Variants in TENM3 observed in about 807,000 individuals in gnomAD.
The protein encoded by TENM3 is teneurin-3.
In TENM3, 63 loss-of-function variants were observed where a neutral mutation model predicts 255.1. That is an observed-to-expected ratio of 0.25 (90% CI 0.20 to 0.30). TENM3 has a LOEUF of 0.30. Ranked by LOEUF, TENM3 falls within the 10% of genes least tolerant of loss-of-function variation. The pLI, the probability that TENM3 is intolerant of heterozygous loss-of-function variation, is 1.00. For synonymous variants in TENM3, 1,306 were observed against 1,322.3 expected, an observed-to-expected ratio of 0.99 and a Z score of 0.27; for missense variants, 2,929 against 3,461.1, an observed-to-expected ratio of 0.85 and a Z score of 3.86.
the TENM3 span, among the ~76,000 whole-genome samples, chr4:181,805,140 C>T: frequency 3.3e-5 from 5 of 152,322 alleles, no homozygotes; most frequent in African/African-American, 1.2e-4. Context: ...AAAACCTGAT[C>T]ATATGAACAT....
intron 1 of TENM3, among the ~76,000 whole-genome samples, chr4:182,238,127 A>T (rs1481968846): frequency 1.3e-5 from 2 of 152,190 alleles, no homozygotes; most frequent in Non-Finnish European, 2.9e-5. Flanking sequence ...GTGAAGAAAC[A>T]GTCTCAGGGT....
In TENM3 at chr4:182,690,639, G is replaced by A. The variant is rs564919485; in HGVS notation, c.2221+2288G>A. ...ACGTGTGTATAGCTTTGAAAACCAG[G>A]AAGTGTGCCAAAAAGTTATCCATAG... is the stretch of plus-strand genomic sequence containing the variant. On this transcript the variant is annotated intron_variant, in intron 12 of 27. Coordinates refer to ENST00000511685, the MANE Select transcript of TENM3 (RefSeq NM_001080477.4). 2.0e-5 allele frequency among the ~76,000 whole-genome samples: 3 copies of A among 152,256 alleles called. No homozygotes were observed. The East Asian group carries it at 5.8e-4, about 29-fold the overall frequency.
chr4:181,463,396 A>G, the TENM3 span, among the ~76,000 whole-genome samples: 8 of 152,110 alleles, frequency 5.3e-5, no homozygotes, highest in Non-Finnish European at 1.0e-4. Context: ...TTCCCATTCT[A>G]TGAGTATTTC....
At chr4:182,329,333 C>T (rs1763613608) in intron 2 of TENM3, among the ~76,000 whole-genome samples, 1 of 152,338 alleles carries the variant, frequency 6.6e-6, no homozygotes, top group Middle Eastern at 3.4e-3. Context: ...CCCATGGCCC[C>T]CACTTGGGCA....
chr4:181,498,147 T>C, the TENM3 span, among the ~76,000 whole-genome samples: 2 of 152,148 alleles, frequency 1.3e-5, no homozygotes, highest in Admixed American at 6.5e-5. Flanking sequence ...AGCTTGAATA[T>C]AATCTAACAA....
In TENM3 at chr4:182,386,505, T is replaced by C. The variant is rs189177020; in HGVS notation, c.511+39576T>C. Among the ~76,000 whole-genome samples the C allele has an allele frequency of 1.2e-4, 18 of 152,324 alleles. No homozygotes were observed. In the East Asian group the frequency reaches 3.1e-3, roughly 26 times the overall value. On this transcript the variant is annotated intron_variant, in intron 3 of 27. Transcript: ENST00000511685. ...CCTGCCACTGCACTGTGGGAGCCCC[T>C]TTCTGGGTTGACCAAGGCTGGAGCC...
chr4:181,745,646 A>G, the TENM3 span, among the ~76,000 whole-genome samples: 1 of 152,058 alleles, frequency 6.6e-6, no homozygotes, highest in African/African-American at 2.4e-5. Context: ...ATAAGGAGAG[A>G]GCTTGGGGAA....
At chr4:182,520,738 ATCTTC>A (rs1738485600) in intron 3 of TENM3, among the ~76,000 whole-genome samples, 1 of 152,190 alleles carries the variant, frequency 6.6e-6, no homozygotes, top group Admixed American at 6.5e-5. Context: ...ATAGGCTTGT[ATCTTC>A]TAGAGAGTTT....
At chr4:182,330,014 T>G (rs1763648799) in intron 2 of TENM3, among the ~76,000 whole-genome samples, 1 of 151,870 alleles carries the variant, frequency 6.6e-6, no homozygotes, top group East Asian at 1.9e-4. Context: ...ATAATGAATT[T>G]CTCATCTGCA....
At chr4:182,650,221 G>A (rs985160064) in intron 5 of TENM3, among the ~76,000 whole-genome samples, 6 of 150,050 alleles carry the variant, frequency 4.0e-5, no homozygotes, top group Non-Finnish European at 8.9e-5. Flanking sequence ...GTCTGTGGCC[G>A]GGGATGCCTG....
At chr4:181,794,798 A>G in the TENM3 span, among the ~76,000 whole-genome samples, 1 of 152,050 alleles carries the variant, frequency 6.6e-6, no homozygotes, top group African/African-American at 2.4e-5. Flanking sequence ...ATGTAAGAAA[A>G]TCACACTTAG....
At chr4:181,827,907 G>A in the TENM3 span, among the ~76,000 whole-genome samples, 627 of 152,242 alleles carry the variant, frequency 4.1e-3, 5 homozygotes, top group African/African-American at 1.0e-2. Context: ...CAGGGCTTGT[G>A]ACTGGAACAG....
Position 182,796,193 on chromosome 4 carries a change from T to C in TENM3, c.7214-444T>C, listed in dbSNP as rs143497848. Among the ~76,000 whole-genome samples the C allele has an allele frequency of 1.8e-3, 280 of 152,322 alleles. 1 individual carries two copies. Among genetic ancestry groups the C allele is most frequent in the African/African-American group, 6.2e-3 (257 of 41,570 alleles). ...AGGGGTTTTATTAATAGAAAATGGG[T>C]TGTGGAAGTCCGCATATCCTTGGGC... On this transcript the variant is annotated intron_variant, in intron 26 of 27. Transcript: ENST00000511685.
the TENM3 span, among the ~76,000 whole-genome samples, chr4:181,849,689 C>T: frequency 1.3e-5 from 2 of 152,140 alleles, no homozygotes; most frequent in Non-Finnish European, 2.9e-5. Flanking sequence ...GTTTCCCCCA[C>T]GTCCTTTTGT....
chr4:182,263,304 G>C (rs1758990879), intron 1 of TENM3, among the ~76,000 whole-genome samples: 1 of 152,114 alleles, frequency 6.6e-6, no homozygotes, highest in African/African-American at 2.4e-5. Context: ...GATTGGGTTA[G>C]TGGCCCATCT....
chr4:182,436,121 C>A (rs1241035121), intron 3 of TENM3, among the ~76,000 whole-genome samples: 1 of 152,134 alleles, frequency 6.6e-6, no homozygotes, highest in East Asian at 1.9e-4. Context: ...CTATTGACAG[C>A]AGTTCCTTTG....
chr4:182,253,317 CA>C (rs1448882258), intron 1 of TENM3, among the ~76,000 whole-genome samples: 2 of 152,078 alleles, frequency 1.3e-5, no homozygotes. Context: ...ACTAAAAATA[CA>C]AAGAGTTATC....
chr4:182,463,282 G>A (rs1732234027), intron 3 of TENM3, among the ~76,000 whole-genome samples: 1 of 152,018 alleles, frequency 6.6e-6, no homozygotes, highest in African/African-American at 2.4e-5. Flanking sequence ...TACTCTGTTT[G>A]ATTCTGTGAG....
chr4:182,473,269 ATCT>A (rs1283243254), intron 3 of TENM3, among the ~76,000 whole-genome samples: 1 of 152,236 alleles, frequency 6.6e-6, no homozygotes, highest in Non-Finnish European at 1.5e-5. Context: ...AGAAACAAAG[ATCT>A]TCTTTGAATT....
Sources: gnomAD v4.1 joint callset for allele counts (sites outside exome capture counted in the v4.1 genomes callset) on GRCh38, gnomAD v4.1.1 for gene constraint, MANE v1.5 for transcripts, NCBI Gene and HGNC (gene_info 2026-07-23, HGNC 2026-07-21) for gene names.